Variants in NEGR1 observed in about 807,000 individuals in gnomAD.
NEGR1 encodes the protein IgLON family member 4.
In NEGR1, 10 loss-of-function variants were observed where a neutral mutation model predicts 40.9. That is an observed-to-expected ratio of 0.24 (90% CI 0.15 to 0.42). The LOEUF (loss-of-function observed/expected upper bound fraction) is 0.42. NEGR1 is among the 10% of genes least tolerant of loss of function. The pLI is 1.00. For missense variants in NEGR1, 352 were observed against 438.9 expected, an observed-to-expected ratio of 0.80 and a Z score of 1.77; for synonymous variants, 185 against 166.8, an observed-to-expected ratio of 1.11 and a Z score of -0.84.
chr1:71,783,876 A>AACCG (rs1553165045), intron 2 of NEGR1, among the ~76,000 whole-genome samples: 3 of 144,568 alleles, frequency 2.1e-5, no homozygotes, highest in Non-Finnish European at 4.7e-5. Context: ...CCATCCATCC[A>AACCG]ATAGACATTT....
intron 4 of NEGR1, among the ~76,000 whole-genome samples, chr1:71,657,808 G>A (rs1651926231): frequency 6.6e-6 from 1 of 152,170 alleles, no homozygotes; most frequent in South Asian, 2.1e-4. Context: ...TACTTAACTA[G>A]TGCTTTCTTT....
At chr1:71,675,119 A>ATATATATATATATATATATATATATG (rs1304074636) in intron 4 of NEGR1, among the ~76,000 whole-genome samples, 1 of 75,052 alleles carries the variant, frequency 1.3e-5, no homozygotes, top group Non-Finnish European at 2.7e-5. Flanking sequence ...ATTCATATAT[A>ATATATATATATATATATATATATATG]TATATATACA....
intron 1 of NEGR1, among the ~76,000 whole-genome samples, chr1:72,057,687 C>T (rs1365879026): frequency 6.6e-6 from 1 of 151,362 alleles, no homozygotes; most frequent in Non-Finnish European, 1.5e-5. Context: ...GAATGGTTTA[C>T]ATATATAACT....
intron 2 of NEGR1, among the ~76,000 whole-genome samples, chr1:71,838,582 A>T (rs192868097): frequency 2.3e-3 from 347 of 152,276 alleles, no homozygotes; most frequent in Non-Finnish European, 3.6e-3. Context: ...TCAGCTAAGT[A>T]GGAAATATAA....
In NEGR1 at chr1:72,200,530, C is replaced by T. The variant is rs535552295; in HGVS notation, c.176+81789G>A. Among the ~76,000 whole-genome samples, 316 of 151,906 alleles carry T rather than the reference C, an allele frequency of 2.1e-3. 1 individual carries two copies. The highest frequency in any genetic ancestry group is 0.018 in the South Asian group (89 of 4,822). On this transcript the variant is annotated intron_variant, in intron 1 of 6. Coordinates refer to ENST00000357731, the MANE Select transcript of NEGR1 (RefSeq NM_173808.3). ...TAGACTCATTGAGCAGGGAAGGCTA[C>T]GTATTGAGCACTATGCTCACTATCT...
chr1:71,931,764 T>C (rs1198633646), intron 2 of NEGR1, among the ~76,000 whole-genome samples: 2 of 152,172 alleles, frequency 1.3e-5, no homozygotes, highest in African/African-American at 4.8e-5. Context: ...ATTCTAACCA[T>C]AGCACAATTC....
chr1:72,231,282 C>A (rs1243128665), intron 1 of NEGR1, among the ~76,000 whole-genome samples: 1 of 152,070 alleles, frequency 6.6e-6, no homozygotes, highest in Non-Finnish European at 1.5e-5. Flanking sequence ...ATGATTTTTC[C>A]TCCTCTTTAC....
At chr1:71,650,888 T>C (rs1158103077) in intron 4 of NEGR1, among the ~76,000 whole-genome samples, 1 of 152,192 alleles carries the variant, frequency 6.6e-6, no homozygotes, top group African/African-American at 2.4e-5. Context: ...GGCAGTAGAA[T>C]GATAATTAGA....
At chr1:71,817,941 T>G (rs1658287384) in intron 2 of NEGR1, among the ~76,000 whole-genome samples, 1 of 151,972 alleles carries the variant, frequency 6.6e-6, no homozygotes, top group African/African-American at 2.4e-5. Flanking sequence ...GAAAAAATAC[T>G]CAACATCGCT....
At chr1:71,694,764 C>A (rs770908778) in intron 4 of NEGR1, among the ~76,000 whole-genome samples, 1 of 151,654 alleles carries the variant, frequency 6.6e-6, no homozygotes, top group Non-Finnish European at 1.5e-5. Context: ...CTGAATCTAC[C>A]GGAGCTTATG....
chr1:71,651,150 T>G (rs1651701319), intron 4 of NEGR1, among the ~76,000 whole-genome samples: 1 of 152,144 alleles, frequency 6.6e-6, no homozygotes, highest in African/African-American at 2.4e-5. Flanking sequence ...GATTAGTGAA[T>G]GAAATGTGAG....
At chr1:71,962,815 C>T (rs548613932) in intron 1 of NEGR1, among the ~76,000 whole-genome samples, 89 of 148,424 alleles carry the variant, frequency 6.0e-4, no homozygotes, top group African/African-American at 2.2e-3. Flanking sequence ...TTCATCTCAA[C>T]TGAAAAAAAA....
intron 2 of NEGR1, among the ~76,000 whole-genome samples, chr1:71,835,233 C>CATG (rs1658986116): frequency 6.6e-6 from 1 of 152,080 alleles, no homozygotes; most frequent in Non-Finnish European, 1.5e-5. Context: ...GAACTGGCAT[C>CATG]ATGTTTTTTC....
At position 71,854,537 on chromosome 1, in the gene NEGR1, G is replaced by T. The variant is rs1357870634; in HGVS notation, c.410-78240C>A. On this transcript the variant is annotated intron_variant, in intron 2 of 6. Coordinates refer to ENST00000357731, the MANE Select transcript of NEGR1 (RefSeq NM_173808.3). ...TCAAAAGGTGATGATAATTATAATC[G>T]TATTAGTCCACTCTGATGCTGCTAT... 3.3e-5 allele frequency among the ~76,000 whole-genome samples: 5 copies of T among 152,162 alleles called. No homozygotes were observed. In the East Asian group the frequency reaches 7.7e-4, roughly 24 times the overall value.
intron 1 of NEGR1, among the ~76,000 whole-genome samples, chr1:71,983,789 T>C (rs1213141994): frequency 6.6e-6 from 1 of 152,196 alleles, no homozygotes; most frequent in Non-Finnish European, 1.5e-5. Flanking sequence ...TTGATCAAAA[T>C]AGCAAGTAAA....
rs930609924 is a variant in NEGR1, at chr1:72,053,767, G to A, written c.177-118456C>T. On this transcript the variant is annotated intron_variant, in intron 1 of 6. Coordinates refer to ENST00000357731, the MANE Select transcript of NEGR1 (RefSeq NM_173808.3). ...GTTTTCCACCCCTTTTTGCCCTTTA[G>A]AGACTTACCTAATAGTACACTAGTT... Among the ~76,000 whole-genome samples, 3 of 150,782 alleles carry A rather than the reference G, an allele frequency of 2.0e-5. No individual in the cohort carries two copies. In the Admixed American group the frequency reaches 2.0e-4, roughly 10 times the overall value.
At chr1:71,928,513 T>TATGTATATATACACAC (rs1645822345) in intron 2 of NEGR1, among the ~76,000 whole-genome samples, 1 of 135,602 alleles carries the variant, frequency 7.4e-6, no homozygotes. Context: ...TATACATGTG[T>TATGTATATATACACAC]ATATATATAC....
intron 6 of NEGR1, among the ~76,000 whole-genome samples, chr1:71,449,044 T>C (rs1414057185): frequency 6.6e-6 from 1 of 152,172 alleles, no homozygotes; most frequent in Non-Finnish European, 1.5e-5. Context: ...TTGTGTACAA[T>C]TTACTTTGAG....
At chr1:71,789,061 A>G (rs545160913) in intron 2 of NEGR1, among the ~76,000 whole-genome samples, 3 of 152,132 alleles carry the variant, frequency 2.0e-5, no homozygotes, top group Non-Finnish European at 4.4e-5. Flanking sequence ...CGATACCAAG[A>G]TATTTTTTGG....
Sources: allele counts gnomAD v4.1 joint callset (sites outside exome capture counted in the v4.1 genomes callset), GRCh38; gene constraint gnomAD v4.1.1; transcripts MANE v1.5; gene names NCBI Gene and HGNC (gene_info 2026-07-23, HGNC 2026-07-21).